The following GALT variants were observed in gnomAD, a reference collection of about 807,000 sequenced individuals.
GALT encodes the protein galactose-1-phosphate uridylyltransferase, also known as UDP-glucose--hexose-1-phosphate uridylyltransferase.
A neutral mutation model predicts 55.4 loss-of-function variants in GALT; 42 were observed. The ratio of observed to expected loss-of-function variants is 0.76; its 90% CI spans 0.59 to 0.98. GALT has a LOEUF of 0.98. Among genes scored for constraint, GALT ranks in the 50% least tolerant of loss-of-function variants. GALT has a pLI of 0.00. For missense variants in GALT, 407 were observed against 495.7 expected (o/e 0.82, Z 1.70); for synonymous variants, 154 against 181.5 (o/e 0.85, Z 1.22).
At chr9:34,650,328 C>T (rs907730476) in intron 10 of GALT, 41 bp from the exon 11 acceptor site, 1 of 1,408,852 alleles carries the variant, frequency 7.1e-7, no homozygotes, top group East Asian at 2.3e-5. Flanking sequence ...CTTGGCAGCC[C>T]AGCCCTTATC....
chr9:34,647,601 G>A lies in GALT; in HGVS notation c.328+34G>A. The A allele has an allele frequency of 6.2e-7, 1 of 1,614,048 alleles. No homozygotes were observed. The highest frequency in any genetic ancestry group is 8.5e-7 in the Non-Finnish European group (1 of 1,179,928). ...GCTCCAACTGCTGCTGGGGAGGAGG[G>A]TGGCTAGACCTCTTGAGGGACTTCT... On this transcript the variant is annotated intron_variant, in intron 3 of 10. Coordinates refer to ENST00000378842, the MANE Select transcript of GALT (RefSeq NM_000155.4). The surrounding 1 kb of genome is among the most constrained non-coding windows in gnomAD (Gnocchi z 5.6).
At chr9:34,649,731 G>C (rs1821207663) in intron 10 of GALT, 167 bp downstream of exon 10, 1 of 705,468 alleles carries the variant, frequency 1.4e-6, no homozygotes. Flanking sequence ...AGGAGAGTAT[G>C]GTCCTCAGAT....
At chr9:34,649,226 G>A in intron 9 of GALT, 145 bp downstream of exon 9, 1 of 1,183,520 alleles carries the variant, frequency 8.4e-7, no homozygotes, top group Non-Finnish European at 1.3e-6. Context: ...GGGACTGAGG[G>A]TGGAGCAGCA....
chr9:34,650,207 G>T, intron 10 of GALT, 162 bp from the exon 11 acceptor site: 1 of 630,192 alleles, frequency 1.6e-6, no homozygotes, highest in South Asian at 1.8e-5. Flanking sequence ...TTGGGCCCAG[G>T]AGTTTGAGGC....
rs1821164908 is a variant in GALT, at chr9:34,648,392, C to A, written c.623C>A (p.Ala208Asp). The A allele has an allele frequency of 6.2e-7, 1 of 1,614,178 alleles. No homozygotes were observed. The highest frequency in any genetic ancestry group is 2.2e-5 in the East Asian group (1 of 44,872). ...IAQREERSQQAYKSQHGEPLL... is the reference protein window; with the variant it reads ...IAQREERSQQDYKSQHGEPLL... ...CAGCGTGAGGAGCGATCTCAGCAGG[C>A]CTATAAGAGTCAGCATGGAGAGCCC... Residue 208 changes from alanine (A) to aspartate (D), a missense_variant, in exon 7 of 11, where the codon GCC (alanine) becomes GAC (aspartate). By Grantham distance (126) the Ala-to-Asp change is moderately radical. Coordinates refer to ENST00000378842, the MANE Select transcript of GALT (RefSeq NM_000155.4). This position sits in a 1 kb window ranked among gnomAD's most constrained non-coding sequence, Gnocchi z 4.9.
rs1821132706 is a variant in GALT at position 34,647,453 on chromosome 9, A to G, written c.253-39A>G. 1.2e-6 allele frequency: 2 copies of G among 1,605,580 alleles called. No individual in the cohort carries two copies. Among genetic ancestry groups the G allele is most frequent in the South Asian group, 1.1e-5 (1 of 90,924 alleles). On this transcript the variant is annotated intron_variant, in intron 2 of 10. Coordinates refer to ENST00000378842, the MANE Select transcript of GALT (RefSeq NM_000155.4). This position sits in a 1 kb window ranked among gnomAD's most constrained non-coding sequence, Gnocchi z 5.6. The stretch of plus-strand genomic sequence containing the variant: ...TGAAGCCCACCAGGTAACTGGTGGT[A>G]TGGGGCAGTGAGTGCTTCTAGCCTA...
In GALT at chr9:34,648,379, C is replaced by T. The variant is rs111033737; in HGVS notation, c.610C>T (p.Arg204Ter). 36 of 1,614,046 alleles carry T rather than the reference C, an allele frequency of 2.2e-5. No homozygotes were observed. The highest frequency in any genetic ancestry group is 3.0e-5 in the Non-Finnish European group (35 of 1,180,048). Reference sequence around the variant, plus strand: ...GCCAGATATTGCCCAGCGTGAGGAGCGATCTCAGCAGGCCTATAAGAGTCA... The same window carrying T: ...GCCAGATATTGCCCAGCGTGAGGAGTGATCTCAGCAGGCCTATAAGAGTCA... ...FLPDIAQREE[R>*]SQQAYKSQHG... is the part of the protein sequence containing the mutation. The change falls in exon 7 of 11, where the codon CGA (arginine) becomes TGA (stop). Residue 204 changes from arginine to a stop codon, truncating the protein, a stop_gained. Transcript: ENST00000378842. LOFTEE classifies it high-confidence loss of function. This position sits in a 1 kb window ranked among gnomAD's most constrained non-coding sequence, Gnocchi z 4.9.
chr9:34,650,254 G>C (rs1821220082), intron 10 of GALT, 115 bp from the exon 11 acceptor site: 2 of 705,168 alleles, frequency 2.8e-6, no homozygotes, highest in South Asian at 1.5e-5. Flanking sequence ...TTGCATTCCA[G>C]CCTGGGCAAC....
chr9:34,647,506 C>G lies in GALT; in HGVS notation c.267C>G (p.Tyr89Ter). ...IRANGEVNPQ[Y>*]DSTFLFDNDF... ...CTTGTCGGTAGGTGAATCCCCAGTACGATAGCACCTTCCTGTTTGACAACG... is the reference window on the plus strand; with the variant it reads ...CTTGTCGGTAGGTGAATCCCCAGTAGGATAGCACCTTCCTGTTTGACAACG... The change falls in exon 3 of 11, where the codon TAC (tyrosine) becomes TAG (stop). Residue 89 changes from tyrosine (Y) to a stop codon, truncating the protein, a stop_gained. Transcript: ENST00000378842. LOFTEE classifies it high-confidence loss of function. This position sits in a 1 kb window ranked among gnomAD's most constrained non-coding sequence, Gnocchi z 5.6. 1 of 1,614,134 alleles carries G rather than the reference C, an allele frequency of 6.2e-7. No homozygotes were observed. Among genetic ancestry groups the G allele is most frequent in the Non-Finnish European group, 8.5e-7 (1 of 1,180,002 alleles).
At position 34,647,652 on chromosome 9, in the gene GALT, C is replaced by T. The variant is rs1821140017; in HGVS notation, c.329-5C>T. 1 of 1,614,154 alleles carries T rather than the reference C, an allele frequency of 6.2e-7. No individual in the cohort carries two copies. Among genetic ancestry groups the T allele is most frequent in the Non-Finnish European group, 8.5e-7 (1 of 1,180,012 alleles). ...GCTGCAGAGAGTGATACTCCTTTAC[C>T]TCAGGACCCAGTGATCATCCCCTTT... On this transcript the variant is annotated splice_region_variant and splice_polypyrimidine_tract_variant and intron_variant, in intron 3 of 10. Transcript: ENST00000378842. This position sits in a 1 kb window ranked among gnomAD's most constrained non-coding sequence, Gnocchi z 5.6.
intron 9 of GALT, 66 bp downstream of exon 9, chr9:34,649,147 G>C: frequency 6.7e-7 from 1 of 1,492,936 alleles, no homozygotes; most frequent in East Asian, 2.3e-5. Context: ...GCTCAGCCTA[G>C]TGAACTGCAA....
Position 34,648,593 on chromosome 9 carries a change from T to C in GALT, c.687+137T>C. 1 of 1,519,086 alleles carries C rather than the reference T, an allele frequency of 6.6e-7. No individual in the cohort carries two copies. The highest frequency in any genetic ancestry group is 9.1e-7 in the Non-Finnish European group (1 of 1,099,612). 94.1% of individuals were successfully genotyped at this position (1,519,086 alleles called of 1,614,324 possible). ...GGAGGCCTTAGCAATAATCCAGTAA[T>C]CTAAAGGAAAGATGATGGTGACTTA... On this transcript the variant is annotated intron_variant, in intron 7 of 10. Transcript: ENST00000378842. The surrounding 1 kb of genome is among the most constrained non-coding windows in gnomAD (Gnocchi z 4.9).
rs1393094997 is a variant in GALT at position 34,648,685 on chromosome 9, C to A, written c.688-77C>A. ...ATCCTGGGCACATTCTTTTCTTCTG[C>A]TTCCCTTGCCTATTTGCTGACCACA... On this transcript the variant is annotated intron_variant, in intron 7 of 10. Coordinates refer to ENST00000378842, the MANE Select transcript of GALT (RefSeq NM_000155.4). The surrounding 1 kb of genome is among the most constrained non-coding windows in gnomAD (Gnocchi z 4.9). The A allele has an allele frequency of 1.9e-6, 3 of 1,583,586 alleles. No homozygotes were observed. The highest frequency in any genetic ancestry group is 2.7e-5 in the African/African-American group (2 of 74,354).
rs111033767 is a variant in GALT, at chr9:34,648,996, A to G, written c.821-2A>G. On this transcript the variant is annotated splice_acceptor_variant, in intron 8 of 10. Transcript: ENST00000378842. LOFTEE classifies it high-confidence loss of function. This position sits in a 1 kb window ranked among gnomAD's most constrained non-coding sequence, Gnocchi z 4.9. Reference sequence around the variant, plus strand: ...AGGCTGAGAGTCAGGCTCTGATTCCAGATCTAGCCTCCATCATGAAGAAGC... The same window carrying G: ...AGGCTGAGAGTCAGGCTCTGATTCCGGATCTAGCCTCCATCATGAAGAAGC... The G allele has an allele frequency of 6.2e-7, 1 of 1,614,122 alleles. No individual in the cohort carries two copies. Among genetic ancestry groups the G allele is most frequent in the Non-Finnish European group, 8.5e-7 (1 of 1,180,018 alleles).
chr9:34,646,948 G>A, intron 1 of GALT, 141 bp from the exon 2 acceptor site: 1 of 1,605,578 alleles, frequency 6.2e-7, no homozygotes, highest in South Asian at 1.1e-5. Flanking sequence ...TTGGCGCTGG[G>A]AAAGTCCAAT....
rs775960045 is a variant in GALT, at chr9:34,647,648, T to TTA, written c.329-8_329-7dup. ...TTCTGCTGCAGAGAGTGATACTCCT[T>TTA]TACCTCAGGACCCAGTGATCATCCC... On this transcript the variant is annotated splice_polypyrimidine_tract_variant and intron_variant, in intron 3 of 10. Coordinates refer to ENST00000378842, the MANE Select transcript of GALT (RefSeq NM_000155.4). The surrounding 1 kb of genome is among the most constrained non-coding windows in gnomAD (Gnocchi z 5.6). 1.3e-5 allele frequency: 21 copies of TTA among 1,614,148 alleles called. No homozygotes were observed. The highest frequency in any genetic ancestry group is 1.6e-5 in the Non-Finnish European group (19 of 1,180,028).
Position 34,650,629 on chromosome 9 carries a change from G to C in GALT, c.*180G>C. On this transcript the variant is annotated 3_prime_UTR_variant, in exon 11 of 11. Coordinates refer to ENST00000378842, the MANE Select transcript of GALT (RefSeq NM_000155.4). Reference sequence around the variant, plus strand: ...GGAGTGTGAACCTTCAGAGATCTAGGGTTAAAAGCTAAAGGCATAGCTCCA... The same window carrying C: ...GGAGTGTGAACCTTCAGAGATCTAGCGTTAAAAGCTAAAGGCATAGCTCCA... 1.7e-6 allele frequency: 1 copy of C among 603,878 alleles called. No homozygotes were observed. Among genetic ancestry groups the C allele is most frequent in the Non-Finnish European group, 2.9e-6 (1 of 340,760 alleles). The allele number at this position is 603,878 out of a possible 1,614,324, so 37.4% of individuals were successfully genotyped here.
chr9:34,646,690 TC>T lies in GALT; in HGVS notation c.-10del, dbSNP rs1227701943. On this transcript the variant is annotated 5_prime_UTR_variant, in exon 1 of 11. Coordinates refer to ENST00000378842, the MANE Select transcript of GALT (RefSeq NM_000155.4). ...ACGGCCCTGCAGATTTTCCAGCGGA[TC>T]CCCCGGTGGCCTCATGTCGCGCAGT... The T allele has an allele frequency of 6.8e-6, 11 of 1,613,338 alleles. No individual in the cohort carries two copies. Among genetic ancestry groups the T allele is most frequent in the Non-Finnish European group, 8.5e-6 (10 of 1,179,952 alleles).
rs1163987852 is a variant in GALT at position 34,650,418 on chromosome 9, A to G, written c.1109A>G (p.Gln370Arg). 1 of 1,614,144 alleles carries G rather than the reference A, an allele frequency of 6.2e-7. No individual in the cohort carries two copies. The highest frequency in any genetic ancestry group is 1.7e-5 in the Admixed American group (1 of 60,020). ...CCTGAGGTTCATTACCACCTGGGGC[A>G]GAAGGACAGGGAGACAGCAACCATC... is the stretch of plus-strand genomic sequence containing the variant. ...ALPEVHYHLG[Q>R]KDRETATIA Residue 370 changes from glutamine to arginine, a missense_variant, in exon 11 of 11, where the codon CAG becomes CGG. Physicochemically the swap from Gln to Arg is conservative, Grantham distance 43. Coordinates refer to ENST00000378842, the MANE Select transcript of GALT (RefSeq NM_000155.4).
Sources: allele counts gnomAD v4.1 joint callset, GRCh38; gene constraint gnomAD v4.1.1; non-coding constraint Gnocchi (gnomAD v3.1); transcripts MANE v1.5; gene names NCBI Gene and HGNC (gene_info 2026-07-23, HGNC 2026-07-21).